Variants in FAM180A observed in about 807,000 individuals in gnomAD.
FAM180A encodes the protein protein FAM180A.
In FAM180A, 14 loss-of-function variants were observed where a neutral mutation model predicts 15.3. That is an observed-to-expected ratio of 0.92 (90% confidence interval 0.61 to 1.43). The LOEUF (loss-of-function observed/expected upper bound fraction) is 1.43, where lower values mean the gene tolerates loss of function less well. Among genes scored for constraint, FAM180A ranks in the 40% most tolerant of loss-of-function variants. The pLI is 0.00. For missense variants in FAM180A, 200 were observed against 220.8 expected, an observed-to-expected ratio of 0.91 and a Z score of 0.60; for synonymous variants, 90 against 96.8, an observed-to-expected ratio of 0.93 and a Z score of 0.41.
rs141853731 is a variant in FAM180A, at chr7:135,737,166, C to A, written c.110G>T (p.Arg37Met). Residue 37 changes from arginine (R) to methionine (M), a missense_variant, in exon 2 of 4, where the codon AGG (arginine) becomes ATG (methionine). Transcript: ENST00000338588. ...VLFPAAHRPK[R>M]SSSLPLNPVL... Reference sequence around the variant, plus strand: ...TGGGTTCAATGGCAGTGATGAGGACCTCTTTGGCCGGTGGGCGGCAGGGAA... The same window carrying A: ...TGGGTTCAATGGCAGTGATGAGGACATCTTTGGCCGGTGGGCGGCAGGGAA... 3 of 1,608,046 alleles carry A rather than the reference C, an allele frequency of 1.9e-6. No individual in the cohort carries two copies. The African/African-American group carries it at 4.0e-5, about 22-fold the overall frequency.
intron 1 of FAM180A, among the ~76,000 whole-genome samples, chr7:135,745,491 C>CTGTGTGTGTGTATG (rs1797019794): frequency 6.6e-6 from 1 of 150,608 alleles, no homozygotes; most frequent in Non-Finnish European, 1.5e-5. Flanking sequence ...GTGTGTGTTT[C>CTGTGTGTGTGTATG]TGTGTGTGTG....
chr7:135,736,621 A>G (rs1201966053), intron 2 of FAM180A, among the ~76,000 whole-genome samples: 3 of 152,210 alleles, frequency 2.0e-5, no homozygotes, highest in South Asian at 2.1e-4. Context: ...GATGAGAGGT[A>G]GTGAAAGACA....
intron 1 of FAM180A, among the ~76,000 whole-genome samples, chr7:135,739,569 G>T (rs1027838814): frequency 6.6e-6 from 1 of 151,250 alleles, no homozygotes; most frequent in Non-Finnish European, 1.5e-5. Context: ...CCAAGATCGC[G>T]CCACTGCACT....
chr7:135,730,609 T>C (rs1001535293), intron 3 of FAM180A, among the ~76,000 whole-genome samples: 15 of 152,230 alleles, frequency 9.9e-5, no homozygotes, highest in Admixed American at 6.5e-4. Flanking sequence ...ACATAAGTCA[T>C]GGGCAAGTTT....
At chr7:135,735,134 C>T (rs1193947775) in intron 2 of FAM180A, among the ~76,000 whole-genome samples, 1 of 152,150 alleles carries the variant, frequency 6.6e-6, no homozygotes, top group African/African-American at 2.4e-5. Context: ...AACTCCTGAC[C>T]TCAGATGATC....
chr7:135,730,920 A>AGTCTTCATT (rs1254978560), intron 3 of FAM180A, among the ~76,000 whole-genome samples: 5 of 151,952 alleles, frequency 3.3e-5, no homozygotes, highest in Non-Finnish European at 5.9e-5. Flanking sequence ...ACTGAAAATG[A>AGTCTTCATT]GTCTTCATTT....
intron 3 of FAM180A, among the ~76,000 whole-genome samples, chr7:135,730,907 G>A (rs151239496): frequency 6.6e-6 from 1 of 151,890 alleles, no homozygotes; most frequent in Admixed American, 6.6e-5. Flanking sequence ...TAAGACTCTA[G>A]TTACTGAAAA....
chr7:135,737,087 C>A lies in FAM180A; in HGVS notation c.177+12G>T, dbSNP rs996633290. 8.8e-6 allele frequency: 14 copies of A among 1,598,116 alleles called. No homozygotes were observed. Among genetic ancestry groups the A allele is most frequent in the Non-Finnish European group, 1.2e-5 (14 of 1,167,600 alleles). On this transcript the variant is annotated intron_variant, in intron 2 of 3. Coordinates refer to ENST00000338588, the MANE Select transcript of FAM180A (RefSeq NM_205855.4). ...TGGGTGACTTGGATTGAGCATGTTC[C>A]CCTCTGCCTACCTCGTAGAGCAGCT... is the stretch of plus-strand genomic sequence containing the variant.
Position 135,729,736 on chromosome 7 carries a change from C to T in FAM180A, c.*875G>A. On this transcript the variant is annotated 3_prime_UTR_variant, in exon 4 of 4. Transcript: ENST00000338588. ...TTTTTCAGAGGAAGGAAACACTTTTCCAGAATACAATGCTCAAGAAATGTA... is the reference window on the plus strand; with the variant it reads ...TTTTTCAGAGGAAGGAAACACTTTTTCAGAATACAATGCTCAAGAAATGTA... The T allele has an allele frequency of 5.1e-6, 5 of 985,366 alleles. No homozygotes were observed. Among genetic ancestry groups the T allele is most frequent in the Non-Finnish European group, 6.0e-6 (5 of 829,918 alleles). 61.0% of individuals were successfully genotyped at this position (985,366 alleles called of 1,614,324 possible).
Position 135,733,752 on chromosome 7 carries a change from T to G in FAM180A, c.*223A>C. ...CCCATGGAGGCGTCTTGAATGACCA[T>G]TCCAGCCCTTTCTTCCAGCCCAGGT... On this transcript the variant is annotated 3_prime_UTR_variant, in exon 3 of 4. Transcript: ENST00000338588. 7.3e-7 allele frequency: 1 copy of G among 1,364,302 alleles called. No individual in the cohort carries two copies. 84.5% of individuals were successfully genotyped at this position (1,364,302 alleles called of 1,614,324 possible).
At chr7:135,735,101 C>T (rs1370736576) in intron 2 of FAM180A, among the ~76,000 whole-genome samples, 1 of 152,046 alleles carries the variant, frequency 6.6e-6, no homozygotes, top group Non-Finnish European at 1.5e-5. Context: ...TGGGGTTTCA[C>T]CATGTTGGTC....
At position 135,737,195 on chromosome 7, in the gene FAM180A, C is replaced by A; in HGVS notation, c.81G>T (p.Val27=). ...ASMCHRWSRA[V]LFPAAHRPKR... ...TTGGCCGGTGGGCGGCAGGGAAGAG[C>A]ACAGCTGAAAGAAAGAAAACAGTGA... Residue 27 remains valine (V), a synonymous_variant, in exon 2 of 4, where the codon GTG becomes GTT. Coordinates refer to ENST00000338588, the MANE Select transcript of FAM180A (RefSeq NM_205855.4). 1 of 1,595,668 alleles carries A rather than the reference C, an allele frequency of 6.3e-7. No individual in the cohort carries two copies. The highest frequency in any genetic ancestry group is 1.1e-5 in the South Asian group (1 of 87,662).
chr7:135,732,430 C>T (rs117182858), intron 3 of FAM180A, among the ~76,000 whole-genome samples: 1,943 of 152,306 alleles, frequency 0.013, 44 homozygotes, highest in East Asian at 0.089. Flanking sequence ...CAATGGCTCT[C>T]GCCTATAATC....
chr7:135,746,230 C>T (rs1041994819), intron 1 of FAM180A, among the ~76,000 whole-genome samples: 3 of 152,108 alleles, frequency 2.0e-5, no homozygotes, highest in African/African-American at 7.2e-5. Flanking sequence ...GGAGAAGTTG[C>T]TCCCAGAATG....
At chr7:135,745,602 C>T (rs1797021098) in intron 1 of FAM180A, among the ~76,000 whole-genome samples, 1 of 152,020 alleles carries the variant, frequency 6.6e-6, no homozygotes, top group Non-Finnish European at 1.5e-5. Flanking sequence ...ATCCTGGATC[C>T]TGGCATGGAA....
chr7:135,735,696 C>A (rs770597332), intron 2 of FAM180A, among the ~76,000 whole-genome samples: 6 of 152,152 alleles, frequency 3.9e-5, no homozygotes, highest in Non-Finnish European at 8.8e-5. Context: ...ACAGCAAGTT[C>A]TCTCTTTTTT....
At chr7:135,732,821 A>G (rs1479569205) in intron 3 of FAM180A, among the ~76,000 whole-genome samples, 1 of 152,234 alleles carries the variant, frequency 6.6e-6, no homozygotes, top group African/African-American at 2.4e-5. Context: ...TATCGAGTCA[A>G]TATCTATAAA....
chr7:135,737,376 C>T (rs1441217751), intron 1 of FAM180A, among the ~76,000 whole-genome samples, 177 bp from the exon 2 acceptor site: 1 of 151,998 alleles, frequency 6.6e-6, no homozygotes, highest in Non-Finnish European at 1.5e-5. Flanking sequence ...CACCTGAAGT[C>T]AGGAGTTCGA....
chr7:135,743,385 A>T (rs1563181210), intron 1 of FAM180A, among the ~76,000 whole-genome samples: 1 of 151,354 alleles, frequency 6.6e-6, no homozygotes, highest in Non-Finnish European at 1.5e-5. Flanking sequence ...ATTTTATTTT[A>T]TTTTTTTTAA....
Sources: gnomAD v4.1 joint callset for allele counts (sites outside exome capture counted in the v4.1 genomes callset) on GRCh38, gnomAD v4.1.1 for gene constraint, MANE v1.5 for transcripts, NCBI Gene and HGNC (gene_info 2026-07-23, HGNC 2026-07-21) for gene names.